STK3: variants seen among roughly 807,000 people sequenced by gnomAD.
STK3 encodes the protein serine/threonine-protein kinase 3.
In STK3, 41 loss-of-function variants were observed where a neutral mutation model predicts 58.0. The ratio of observed to expected loss-of-function variants is 0.71; its 90% CI spans 0.55 to 0.92. The LOEUF (loss-of-function observed/expected upper bound fraction) is 0.92, where lower values mean the gene tolerates loss of function less well. STK3 is among the 40% of genes least tolerant of loss of function. STK3 has a pLI of 0.00. For synonymous variants in STK3, 170 were observed against 191.0 expected (o/e 0.89, Z 0.91); for missense variants, 479 against 602.7 (o/e 0.79, Z 2.15).
At chr8:98,858,323 T>TAGAGAGAGAGAG (rs1554691273) in intron 3 of STK3, among the ~76,000 whole-genome samples, 335 of 16,268 alleles carry the variant, frequency 0.021, 26 homozygotes, top group South Asian at 0.042. Context: ...TATATATATA[T>TAGAGAGAGAGAG]AGAGAGAGAG....
chr8:98,795,613 C>T (rs1007822501), intron 1 of STK3, among the ~76,000 whole-genome samples: 7 of 152,184 alleles, frequency 4.6e-5, no homozygotes, highest in African/African-American at 1.2e-4. Context: ...TATCTCTTCA[C>T]GGAAAATATG....
chr8:98,827,462 T>G (rs1332655073), upstream of STK3, among the ~76,000 whole-genome samples: 25 of 152,234 alleles, frequency 1.6e-4, no homozygotes, highest in Admixed American at 1.6e-3. Context: ...TTGAATAATG[T>G]GAATATTTGC....
chr8:98,832,058 A>G (rs932528698), intron 3 of STK3, among the ~76,000 whole-genome samples: 6 of 152,110 alleles, frequency 3.9e-5, no homozygotes, highest in Non-Finnish European at 7.4e-5. Flanking sequence ...TAAGAATCAC[A>G]AGGTTCATAA....
chr8:98,604,456 A>G (rs975803247), intron 6 of STK3, among the ~76,000 whole-genome samples: 2 of 152,156 alleles, frequency 1.3e-5, no homozygotes, highest in Non-Finnish European at 2.9e-5. Context: ...TGGTAGCTCT[A>G]TCTGGAGGGG....
intron 7 of STK3, among the ~76,000 whole-genome samples, chr8:98,588,851 T>C (rs1482449755): frequency 6.6e-6 from 1 of 151,858 alleles, no homozygotes; most frequent in Non-Finnish European, 1.5e-5. Flanking sequence ...ACTCATTTCA[T>C]CTTCCATTGC....
intron 10 of STK3, among the ~76,000 whole-genome samples, chr8:98,488,610 A>G (rs1822453100): frequency 6.6e-6 from 1 of 152,178 alleles, no homozygotes; most frequent in Non-Finnish European, 1.5e-5. Flanking sequence ...TTTGGGTAGA[A>G]AAAAATGCAT....
intron 3 of STK3, among the ~76,000 whole-genome samples, chr8:98,418,086 T>A (rs531285606): frequency 7.9e-5 from 12 of 152,160 alleles, no homozygotes; most frequent in Admixed American, 2.6e-4. Flanking sequence ...ATTAAAAAAA[T>A]TTTTTTGTAG....
At chr8:98,371,277 G>A (rs1316052447), downstream of STK3, 1 of 152,298 alleles carries the variant, frequency 6.6e-6, no homozygotes, top group South Asian at 2.1e-4. Context: ...CAGTAAGGAC[G>A]AGAAAGAGAA....
intron 8 of STK3, among the ~76,000 whole-genome samples, chr8:98,548,752 G>C (rs1194280755): frequency 6.6e-6 from 1 of 151,734 alleles, no homozygotes; most frequent in African/African-American, 2.4e-5. Flanking sequence ...AACCTCTATT[G>C]TACTTACAAG....
At chr8:98,617,035 A>C (rs1377315182) in intron 6 of STK3, among the ~76,000 whole-genome samples, 3 of 151,876 alleles carry the variant, frequency 2.0e-5, no homozygotes, top group African/African-American at 7.3e-5. Flanking sequence ...CACCACACCT[A>C]TTCCAAAATT....
intron 1 of STK3, among the ~76,000 whole-genome samples, chr8:98,937,352 C>T (rs1018720644): frequency 1.3e-5 from 2 of 152,212 alleles, no homozygotes; most frequent in Non-Finnish European, 2.9e-5. Context: ...AAAATGTTGT[C>T]TTCCAGTTGG....
At chr8:98,643,573 AT>A (rs1820184067) in intron 6 of STK3, among the ~76,000 whole-genome samples, 1 of 152,234 alleles carries the variant, frequency 6.6e-6, no homozygotes, top group African/African-American at 2.4e-5. Context: ...CCAATGATAT[AT>A]TTTATGTATG....
intron 6 of STK3, among the ~76,000 whole-genome samples, chr8:98,604,751 C>A (rs1816638333): frequency 6.6e-6 from 1 of 152,160 alleles, no homozygotes; most frequent in Non-Finnish European, 1.5e-5. Context: ...GGCTGGGCTA[C>A]AAAATTTTCA....
chr8:98,587,719 A>T (rs1478616108), intron 7 of STK3, among the ~76,000 whole-genome samples: 7 of 151,862 alleles, frequency 4.6e-5, no homozygotes, highest in Non-Finnish European at 1.0e-4. Context: ...CCCATTATTA[A>T]TGTGTGGGAG....
chr8:98,791,475 A>G (rs893842502), intron 1 of STK3, among the ~76,000 whole-genome samples: 5 of 152,180 alleles, frequency 3.3e-5, no homozygotes, highest in African/African-American at 1.2e-4. Context: ...AACAATCCTA[A>G]AACTCATATG....
chr8:98,743,897 C>A (rs1829437688), intron 4 of STK3, among the ~76,000 whole-genome samples: 2 of 152,138 alleles, frequency 1.3e-5, no homozygotes, highest in South Asian at 4.1e-4. Context: ...AAGAAAAAAA[C>A]AACCCCATCA....
intron 10 of STK3, among the ~76,000 whole-genome samples, chr8:98,498,554 C>G (rs995417751): frequency 6.6e-6 from 1 of 151,972 alleles, no homozygotes; most frequent in Non-Finnish European, 1.5e-5. Context: ...TTATCTGGAG[C>G]AAAAAGGAGG....
rs181811350 is a variant in STK3 at position 98,815,985 on chromosome 8, T to G, written c.26+9530A>C. Among the ~76,000 whole-genome samples, 1,319 of 144,284 alleles carry G rather than the reference T, an allele frequency of 9.1e-3. 11 individuals carry two copies. The highest frequency in any genetic ancestry group is 0.033 in the African/African-American group (1,242 of 37,408). 94.7% of individuals were successfully genotyped at this position (144,284 alleles called of 152,430 possible). A position where few individuals can be genotyped will look rare whatever the true frequency, so the allele number is the denominator to read the frequency against. Reference sequence around the variant, plus strand: ...TCCCATGGTCTTGCCAAACCCCATCTATATATATATATATATCACAATGCC... The same window carrying G: ...TCCCATGGTCTTGCCAAACCCCATCGATATATATATATATATCACAATGCC... On this transcript the variant is annotated intron_variant, in intron 1 of 10. Coordinates refer to ENST00000419617, the MANE Select transcript of STK3 (RefSeq NM_006281.4).
At chr8:98,523,525 C>T (rs962861460) in intron 10 of STK3, among the ~76,000 whole-genome samples, 2 of 152,138 alleles carry the variant, frequency 1.3e-5, no homozygotes, top group Admixed American at 6.5e-5. Context: ...CAAGCATGCA[C>T]CACCACACCC....
Sources: allele counts gnomAD v4.1 joint callset (sites outside exome capture counted in the v4.1 genomes callset), GRCh38; gene constraint gnomAD v4.1.1; transcripts MANE v1.5; gene names NCBI Gene and HGNC (gene_info 2026-07-23, HGNC 2026-07-21).